ADGRB3: variants seen among roughly 807,000 people sequenced by gnomAD.
ADGRB3 encodes the protein brain-specific angiogenesis inhibitor 3.
In ADGRB3, 37 loss-of-function variants were observed where a neutral mutation model predicts 193.4. The observed-to-expected ratio is 0.19, with a 90% confidence interval of 0.15 to 0.25. The LOEUF (loss-of-function observed/expected upper bound fraction) is 0.25. ADGRB3 is among the 10% of genes least tolerant of loss of function. The probability of loss-of-function intolerance (pLI) is 1.00; values close to 1 mark genes in which losing one functional copy is unlikely to be tolerated. For missense variants in ADGRB3, 1,637 were observed against 1,852.9 expected (o/e 0.88, Z 2.14); for synonymous variants, 690 against 644.2 (o/e 1.07, Z -1.08).
chr6:69,318,103 C>T (rs1317988791), intron 20 of ADGRB3, among the ~76,000 whole-genome samples: 1 of 151,094 alleles, frequency 6.6e-6, no homozygotes, highest in East Asian at 1.9e-4. Flanking sequence ...TCGTGAGAAA[C>T]TCTTGTACAA....
At chr6:68,772,888 A>ATAT (rs1554191345) in intron 3 of ADGRB3, among the ~76,000 whole-genome samples, 1 of 51,934 alleles carries the variant, frequency 1.9e-5, no homozygotes, top group Non-Finnish European at 3.3e-5. Context: ...CAAACAAAAA[A>ATAT]AAAAAAATAT....
At chr6:68,859,118 T>C (rs1765074978) in intron 3 of ADGRB3, among the ~76,000 whole-genome samples, 1 of 152,222 alleles carries the variant, frequency 6.6e-6, no homozygotes, top group South Asian at 2.1e-4. Context: ...ATTATCTTTC[T>C]CAAGTTCCAA....
chr6:68,800,048 A>G (rs902605309), intron 3 of ADGRB3, among the ~76,000 whole-genome samples: 1 of 152,148 alleles, frequency 6.6e-6, no homozygotes, highest in African/African-American at 2.4e-5. Context: ...TTATAGAACC[A>G]TGTGTAGTAG....
At chr6:69,021,380 A>T (rs1021208659) in intron 13 of ADGRB3, among the ~76,000 whole-genome samples, 5 of 151,884 alleles carry the variant, frequency 3.3e-5, no homozygotes, top group African/African-American at 1.2e-4. Flanking sequence ...TGCCAAAATG[A>T]CCATGCAATT....
chr6:68,708,429 A>G (rs912493366), intron 3 of ADGRB3, among the ~76,000 whole-genome samples: 18 of 152,136 alleles, frequency 1.2e-4, no homozygotes, highest in Non-Finnish European at 1.3e-4. Flanking sequence ...ATTGGCCTTG[A>G]CTTAGCCTTC....
At chr6:69,090,507 T>A (rs1174957184) in intron 17 of ADGRB3, among the ~76,000 whole-genome samples, 1 of 152,248 alleles carries the variant, frequency 6.6e-6, no homozygotes, top group African/African-American at 2.4e-5. Context: ...ATTCACTTTT[T>A]CACACACTCA....
intron 20 of ADGRB3, among the ~76,000 whole-genome samples, chr6:69,287,714 A>G (rs188857003): frequency 2.7e-4 from 41 of 152,324 alleles, no homozygotes; most frequent in African/African-American, 9.4e-4. Flanking sequence ...CTTTCATTAT[A>G]CACATCTTTT....
chr6:69,346,008 G>T (rs1175059559), intron 26 of ADGRB3, among the ~76,000 whole-genome samples: 5 of 152,112 alleles, frequency 3.3e-5, no homozygotes, highest in Non-Finnish European at 7.3e-5. Context: ...ATTTACAATT[G>T]CTACAAAGAG....
At chr6:69,328,760 G>A (rs1218502743) in intron 22 of ADGRB3, among the ~76,000 whole-genome samples, 1 of 152,078 alleles carries the variant, frequency 6.6e-6, no homozygotes, top group East Asian at 1.9e-4. Context: ...GAGCATTTTT[G>A]TGCCATCTAT....
chr6:69,241,170 G>A (rs1053039530), intron 20 of ADGRB3, among the ~76,000 whole-genome samples: 2 of 151,724 alleles, frequency 1.3e-5, no homozygotes, highest in Admixed American at 6.6e-5. Context: ...CATCATAGTG[G>A]TTATGCTCTA....
chr6:69,350,722 T>G (rs960672786), intron 26 of ADGRB3, among the ~76,000 whole-genome samples: 1 of 152,116 alleles, frequency 6.6e-6, no homozygotes, highest in African/African-American at 2.4e-5. Flanking sequence ...CACAGAATAT[T>G]TTAATATTCT....
In ADGRB3 at chr6:68,721,590, C is replaced by T. The variant is rs1004750442; in HGVS notation, c.757+82158C>T. 1.8e-4 allele frequency among the ~76,000 whole-genome samples: 27 copies of T among 147,854 alleles called. No individual in the cohort carries two copies. The South Asian group carries it at 3.0e-3, about 17-fold the overall frequency. ...TGTATATATATGTAACAAACCTGCA[C>T]GTTGTGCACATGTACCCTAGAACTT... On this transcript the variant is annotated intron_variant, in intron 3 of 31. Transcript: ENST00000370598.
chr6:69,337,711 C>T (rs1322448922), intron 24 of ADGRB3, among the ~76,000 whole-genome samples: 1 of 152,144 alleles, frequency 6.6e-6, no homozygotes, highest in Admixed American at 6.6e-5. Context: ...ATTTTTCTCA[C>T]AGGATCTGCT....
intron 17 of ADGRB3, among the ~76,000 whole-genome samples, chr6:69,134,604 A>T (rs977536905): frequency 1.3e-5 from 2 of 151,966 alleles, no homozygotes; most frequent in Non-Finnish European, 2.9e-5. Flanking sequence ...AATTGAAAGG[A>T]TGGTTTCTGC....
intron 3 of ADGRB3, among the ~76,000 whole-genome samples, chr6:68,869,111 A>G (rs1299682735): frequency 2.0e-5 from 3 of 152,186 alleles, no homozygotes; most frequent in African/African-American, 7.2e-5. Context: ...ACTGGAAGCT[A>G]AAGTACATTA....
intron 17 of ADGRB3, among the ~76,000 whole-genome samples, chr6:69,101,663 A>G (rs1238516813): frequency 6.6e-6 from 1 of 151,104 alleles, no homozygotes; most frequent in Non-Finnish European, 1.5e-5. Flanking sequence ...ATTTTATGAT[A>G]TGTCCTATAT....
chr6:69,203,909 C>T (rs996163180), intron 17 of ADGRB3, among the ~76,000 whole-genome samples: 4 of 151,974 alleles, frequency 2.6e-5, no homozygotes, highest in African/African-American at 4.8e-5. Flanking sequence ...TTTGTATATA[C>T]GTGTGTCTTA....
At chr6:69,331,310 T>C (rs1768723443) in intron 23 of ADGRB3, among the ~76,000 whole-genome samples, 1 of 152,204 alleles carries the variant, frequency 6.6e-6, no homozygotes, top group Non-Finnish European at 1.5e-5. Context: ...CCTTTCTCTT[T>C]CTCCTTTTGG....
chr6:68,993,759 C>T lies in ADGRB3; in HGVS notation c.1735-9C>T, dbSNP rs768395860. ...TCTGATGTTTGCTCTGTTCTTTTGACCATCACAGATTAAAGAGCACCTTGC... is the reference window on the plus strand; with the variant it reads ...TCTGATGTTTGCTCTGTTCTTTTGATCATCACAGATTAAAGAGCACCTTGC... On this transcript the variant is annotated splice_polypyrimidine_tract_variant and intron_variant, in intron 10 of 31. Transcript: ENST00000370598. The T allele has an allele frequency of 3.7e-5, 59 of 1,609,448 alleles. No homozygotes were observed. In the South Asian group the frequency reaches 4.9e-4, roughly 13 times the overall value.
Sources: allele counts gnomAD v4.1 joint callset (sites outside exome capture counted in the v4.1 genomes callset), GRCh38; gene constraint gnomAD v4.1.1; transcripts MANE v1.5; gene names NCBI Gene and HGNC (gene_info 2026-07-23, HGNC 2026-07-21).